The following KIF18B variants were observed in gnomAD, a reference collection of about 807,000 sequenced individuals.
KIF18B encodes kinesin family member 18B.
KIF18B carries 49 observed loss-of-function variants against 80.9 expected under a neutral mutation model. The ratio of observed to expected loss-of-function variants is 0.61; its 90% CI spans 0.48 to 0.77. KIF18B has a LOEUF of 0.77. Among genes scored for constraint, KIF18B ranks in the 30% least tolerant of loss-of-function variants. The pLI is 0.00. For missense variants in KIF18B, 994 were observed against 1,127.7 expected, an observed-to-expected ratio of 0.88 and a Z score of 1.70; for synonymous variants, 439 against 463.9, an observed-to-expected ratio of 0.95 and a Z score of 0.69.
At chr17:44,946,872 G>A (rs1237926038) in intron 1 of KIF18B, among the ~76,000 whole-genome samples, 1 of 152,076 alleles carries the variant, frequency 6.6e-6, no homozygotes, top group African/African-American at 2.4e-5. Flanking sequence ...TGTAATCCCA[G>A]CACTTTGGGA....
chr17:44,926,509 G>T lies in KIF18B; in HGVS notation c.2367-10C>A. 1 of 1,576,458 alleles carries T rather than the reference G, an allele frequency of 6.3e-7. No homozygotes were observed. The highest frequency in any genetic ancestry group is 1.9e-5 in the Admixed American group (1 of 51,688). On this transcript the variant is annotated splice_polypyrimidine_tract_variant and intron_variant, in intron 14 of 15. Coordinates refer to ENST00000593135, the MANE Select transcript of KIF18B (RefSeq NM_001265577.2). ...ATGGGAGACTGAGGAACTGAGGGAG[G>T]AAAGGAGGGAAGGTGGAAGGTTACG...
Position 44,936,240 on chromosome 17 carries a change from C to T in KIF18B, c.105G>A (p.Glu35=), listed in dbSNP as rs748617796. 6 of 1,610,560 alleles carry T rather than the reference C, an allele frequency of 3.7e-6. No homozygotes were observed. The Admixed American group carries it at 8.4e-5, about 22-fold the overall frequency. Residue 35 remains glutamate (E), a synonymous_variant, in exon 2 of 16, where the codon GAG becomes GAA. Coordinates refer to ENST00000593135, the MANE Select transcript of KIF18B (RefSeq NM_001265577.2). ...QRRPVVQVVD[E]RVLVFNPEEP... ...CCTCAGGGTTAAACACCAGCACCCG[C>T]TCGTCCACCACCTGAACCACTGGCC... is the stretch of plus-strand genomic sequence containing the variant.
In KIF18B at chr17:44,927,972, C is replaced by G; in HGVS notation, c.2276+54G>C. 2 of 1,435,560 alleles carry G rather than the reference C, an allele frequency of 1.4e-6. No individual in the cohort carries two copies. Among genetic ancestry groups the G allele is most frequent in the Non-Finnish European group, 9.3e-7 (1 of 1,070,386 alleles). 88.9% of individuals were successfully genotyped at this position (1,435,560 alleles called of 1,614,324 possible). On this transcript the variant is annotated intron_variant, in intron 13 of 15. Coordinates refer to ENST00000593135, the MANE Select transcript of KIF18B (RefSeq NM_001265577.2). The surrounding 1 kb of genome is among the most constrained non-coding windows in gnomAD (Gnocchi z 4.1). ...ACTTCTCAGCAGCACCAAGAAGTCC[C>G]TTGCTGACCACTGACCACTGACAGG... is the stretch of plus-strand genomic sequence containing the variant.
At chr17:44,945,138 C>T (rs565729517) in intron 1 of KIF18B, among the ~76,000 whole-genome samples, 2 of 152,364 alleles carry the variant, frequency 1.3e-5, no homozygotes, top group African/African-American at 2.4e-5. Context: ...TGGGTCACTG[C>T]AGCCTCAACC....
intron 8 of KIF18B, 59 bp downstream of exon 8, chr17:44,932,853 C>G (rs1287564806): frequency 2.3e-5 from 36 of 1,583,390 alleles, no homozygotes; most frequent in Non-Finnish European, 3.1e-5. Flanking sequence ...CCGCCACACC[C>G]TCAAGCTCCT....
chr17:44,934,228 T>C lies in KIF18B; in HGVS notation c.885+5A>G, dbSNP rs148952137. ...TGGGGAGAATACTGGCCTGTGCTGC[T>C]TTACCTTTGCATCGGCCAAGGCATT... On this transcript the variant is annotated splice_donor_5th_base_variant and intron_variant, in intron 6 of 15. Transcript: ENST00000593135. This position sits in a 1 kb window ranked among gnomAD's most constrained non-coding sequence, Gnocchi z 5.4. 6.6e-4 allele frequency: 1,065 copies of C among 1,608,170 alleles called. 8 individuals are homozygous for C. In the African/African-American group the frequency reaches 0.013, roughly 19 times the overall value.
Position 44,936,195 on chromosome 17 carries a change from A to C in KIF18B, c.150T>G (p.Pro50=). The change falls in exon 2 of 16, where the codon CCT becomes CCG. Residue 50 remains proline (P), a synonymous_variant. Transcript: ENST00000593135. ...CATGGGTGCCACCCCATTTCAGGCC[A>C]GGGAACCCTCCATCGGGCTCCTCAG... The part of the protein sequence containing the change: ...FNPEEPDGGF[P]GLKWGGTHDG... The C allele has an allele frequency of 6.2e-7, 1 of 1,612,534 alleles. No individual in the cohort carries two copies. Among genetic ancestry groups the C allele is most frequent in the Non-Finnish European group, 8.5e-7 (1 of 1,179,406 alleles).
At chr17:44,930,421 A>C (rs2052121283) in intron 11 of KIF18B, among the ~76,000 whole-genome samples, 1 of 152,252 alleles carries the variant, frequency 6.6e-6, no homozygotes, top group African/African-American at 2.4e-5. Flanking sequence ...ATTTGAAGAA[A>C]GTATTTTGTA....
chr17:44,927,962 C>A lies in KIF18B; in HGVS notation c.2276+64G>T. Reference sequence around the variant, plus strand: ...TGTCCTCCATACTTCTCAGCAGCACCAAGAAGTCCCTTGCTGACCACTGAC... The same window carrying A: ...TGTCCTCCATACTTCTCAGCAGCACAAAGAAGTCCCTTGCTGACCACTGAC... On this transcript the variant is annotated intron_variant, in intron 13 of 15. Coordinates refer to ENST00000593135, the MANE Select transcript of KIF18B (RefSeq NM_001265577.2). The surrounding 1 kb of genome is among the most constrained non-coding windows in gnomAD (Gnocchi z 4.1). 2 of 1,361,838 alleles carry A rather than the reference C, an allele frequency of 1.5e-6. No homozygotes were observed. The highest frequency in any genetic ancestry group is 2.0e-6 in the Non-Finnish European group (2 of 1,008,538). 84.4% of individuals were successfully genotyped at this position (1,361,838 alleles called of 1,614,324 possible).
At chr17:44,928,616 G>A (rs765806954) in intron 12 of KIF18B, 38 bp from the exon 13 acceptor site, 2 of 1,441,734 alleles carry the variant, frequency 1.4e-6, no homozygotes, top group African/African-American at 2.9e-5. Context: ...AACTTGGGGA[G>A]CCAGACACTG....
chr17:44,933,774 T>G, intron 7 of KIF18B, 149 bp downstream of exon 7: 1 of 778,376 alleles, frequency 1.3e-6, no homozygotes, highest in South Asian at 2.0e-5. Context: ...ATTACAGGCA[T>G]GAGCCACCAT....
chr17:44,942,454 T>G lies in KIF18B; in HGVS notation c.-15+5174A>C, dbSNP rs776743154. 2.0e-5 allele frequency among the ~76,000 whole-genome samples: 3 copies of G among 152,178 alleles called. No homozygotes were observed. The East Asian group carries it at 5.8e-4, about 29-fold the overall frequency. On this transcript the variant is annotated intron_variant, in intron 1 of 15. Transcript: ENST00000593135. ...TCCCTGGAGAAGAATTTCAGAGGACTTGAGGGAATCTACCTGCAGACTCTG... is the reference window on the plus strand; with the variant it reads ...TCCCTGGAGAAGAATTTCAGAGGACGTGAGGGAATCTACCTGCAGACTCTG...
intron 1 of KIF18B, among the ~76,000 whole-genome samples, 197 bp from the exon 2 acceptor site, chr17:44,936,555 A>ACTCTCTCTCTCT (rs59137224): frequency 1.1e-4 from 4 of 37,228 alleles, no homozygotes; most frequent in East Asian, 9.4e-4. Flanking sequence ...TACTCAAATG[A>ACTCTCTCTCTCT]CTCTCTCTCT....
chr17:44,939,299 A>C (rs1359601481), intron 1 of KIF18B, among the ~76,000 whole-genome samples: 1 of 124,566 alleles, frequency 8.0e-6, no homozygotes, highest in African/African-American at 3.1e-5. Context: ...TGAACTTGGG[A>C]GGCGGAGGTT....
intron 1 of KIF18B, among the ~76,000 whole-genome samples, chr17:44,946,100 A>G (rs2052508294): frequency 6.6e-6 from 1 of 151,992 alleles, no homozygotes; most frequent in Non-Finnish European, 1.5e-5. Context: ...TTTATAACGT[A>G]ATTGCTTATG....
At chr17:44,945,212 C>T (rs1281845636) in intron 1 of KIF18B, among the ~76,000 whole-genome samples, 1 of 152,200 alleles carries the variant, frequency 6.6e-6, no homozygotes, top group Non-Finnish European at 1.5e-5. Context: ...CAGGCACACG[C>T]CACCACACCC....
At chr17:44,935,985 G>T in intron 2 of KIF18B, 47 bp downstream of exon 2, 3 of 1,535,468 alleles carry the variant, frequency 2.0e-6, no homozygotes, top group Non-Finnish European at 2.7e-6. Context: ...TCCCTTAGGA[G>T]GAGGCAGGGA....
intron 2 of KIF18B, 41 bp downstream of exon 2, chr17:44,935,991 A>T: frequency 1.3e-6 from 2 of 1,577,942 alleles, no homozygotes; most frequent in East Asian, 4.5e-5. Context: ...AGGAGGAGGC[A>T]GGGAGGCCAG....
Position 44,934,940 on chromosome 17 carries a change from G to GAAAGGAAGAAA in KIF18B, c.472-16_472-6dup. 2 of 1,506,068 alleles carry GAAAGGAAGAAA rather than the reference G, an allele frequency of 1.3e-6. No homozygotes were observed. The highest frequency in any genetic ancestry group is 1.8e-6 in the Non-Finnish European group (2 of 1,109,656). 93.3% of individuals were successfully genotyped at this position (1,506,068 alleles called of 1,614,324 possible). A position where few individuals can be genotyped will look rare whatever the true frequency, so the allele number is the denominator to read the frequency against. ...ATGGATCTGTTCATTATACACCTGA[G>GAAAGGAAGAAA]AAAGGAAGAAAGGAAGAGGCCTGAG... On this transcript the variant is annotated splice_region_variant and splice_polypyrimidine_tract_variant and intron_variant, in intron 3 of 15. Transcript: ENST00000593135. The surrounding 1 kb of genome is among the most constrained non-coding windows in gnomAD (Gnocchi z 5.4).
Sources: gnomAD v4.1 joint callset for allele counts (sites outside exome capture counted in the v4.1 genomes callset) on GRCh38, gnomAD v4.1.1 for gene constraint, Gnocchi (gnomAD v3.1) non-coding constraint, MANE v1.5 for transcripts, NCBI Gene and HGNC (gene_info 2026-07-23, HGNC 2026-07-21) for gene names.